TGFBI: variants seen among roughly 807,000 people sequenced by gnomAD.
The protein encoded by TGFBI is transforming growth factor beta induced, also known as transforming growth factor-beta-induced protein ig-h3.
Under a neutral mutation model 73.7 loss-of-function variants are expected in TGFBI, and 50 were observed. The observed-to-expected ratio is 0.68, with a 90% confidence interval of 0.54 to 0.86. TGFBI has a LOEUF of 0.86. TGFBI is among the 40% of genes least tolerant of loss of function. The pLI, the probability that TGFBI is intolerant of heterozygous loss-of-function variation, is 0.00. For synonymous variants in TGFBI, 362 were observed against 360.5 expected (o/e 1.00, Z -0.05); for missense variants, 839 against 877.0 (o/e 0.96, Z 0.55).
At position 136,061,525 on chromosome 5, in the gene TGFBI, T is replaced by C. The variant is rs770847660; in HGVS notation, c.1932T>C (p.Asp644=). 5 of 1,610,660 alleles carry C rather than the reference T, an allele frequency of 3.1e-6. No homozygotes were observed. The highest frequency in any genetic ancestry group is 4.5e-5 in the East Asian group (2 of 44,790). ...PPANRPQERG[D]ELADSALEIF... ...CCAACAGACCTCAGGAAAGAGGGGA[T>C]GAACTTGCAGACTCTGCGCTTGAGA... Residue 644 remains aspartate, a synonymous_variant, in exon 15 of 17, where the codon GAT becomes GAC. Transcript: ENST00000442011.
intron 2 of TGFBI, among the ~76,000 whole-genome samples, chr5:136,037,667 C>T (rs978642841): frequency 1.2e-4 from 18 of 152,174 alleles, no homozygotes; most frequent in African/African-American, 3.9e-4. Flanking sequence ...TTCACAAGTG[C>T]GAAGCCCTTC....
rs1348870288 is a variant in TGFBI at position 136,061,486 on chromosome 5, T to C, written c.1907-14T>C. 1 of 1,589,892 alleles carries C rather than the reference T, an allele frequency of 6.3e-7. No individual in the cohort carries two copies. Among genetic ancestry groups the C allele is most frequent in the African/African-American group, 1.3e-5 (1 of 74,692 alleles). ...TTTCACTCTGGTCAAACCTGCCTTTTCTTTCCTCTTCAGCCAACAGACCTC... is the reference window on the plus strand; with the variant it reads ...TTTCACTCTGGTCAAACCTGCCTTTCCTTTCCTCTTCAGCCAACAGACCTC... On this transcript the variant is annotated splice_polypyrimidine_tract_variant and intron_variant, in intron 14 of 16. Coordinates refer to ENST00000442011, the MANE Select transcript of TGFBI (RefSeq NM_000358.3).
At chr5:136,042,869 T>G (rs1751363627) in intron 2 of TGFBI, among the ~76,000 whole-genome samples, 1 of 152,086 alleles carries the variant, frequency 6.6e-6, no homozygotes, top group African/African-American at 2.4e-5. Flanking sequence ...TCCATTTAAA[T>G]GAACAAGAGC....
intron 14 of TGFBI, chr5:136,061,270 C>T (rs531260929): frequency 3.4e-6 from 2 of 590,494 alleles, no homozygotes; most frequent in South Asian, 4.0e-5. Flanking sequence ...TGTTCCTTGC[C>T]TCCAGTGCAG....
In TGFBI at chr5:136,047,436, G is replaced by A. The variant is rs765458997; in HGVS notation, c.771+16G>A. The A allele has an allele frequency of 9.9e-6, 16 of 1,613,614 alleles. No homozygotes were observed. The highest frequency in any genetic ancestry group is 1.2e-5 in the Non-Finnish European group (14 of 1,179,798). The stretch of plus-strand genomic sequence containing the variant: ...GACCCTTCGGGTAAGGGACTGCCCT[G>A]GGTGGAGGCCCAGGCTTGGGACACA... On this transcript the variant is annotated intron_variant, in intron 6 of 16. Coordinates refer to ENST00000442011, the MANE Select transcript of TGFBI (RefSeq NM_000358.3).
chr5:136,063,266 C>T lies in TGFBI; in HGVS notation c.*40C>T, dbSNP rs376033284. The T allele has an allele frequency of 6.0e-5, 94 of 1,579,588 alleles. No homozygotes were observed. The highest frequency in any genetic ancestry group is 6.9e-5 in the Non-Finnish European group (79 of 1,150,130). The stretch of plus-strand genomic sequence containing the variant: ...GGAGGAATGCACCACGGCAGCTCTC[C>T]GCCAATTTCTCTCAGATTTCCACAG... On this transcript the variant is annotated 3_prime_UTR_variant, in exon 17 of 17. Transcript: ENST00000442011.
At position 136,063,312 on chromosome 5, in the gene TGFBI, A is replaced by G. The variant is rs933702277; in HGVS notation, c.*86A>G. The G allele has an allele frequency of 8.6e-6, 11 of 1,276,072 alleles. No homozygotes were observed. Among genetic ancestry groups the G allele is most frequent in the Non-Finnish European group, 1.2e-5 (11 of 886,132 alleles). 79.0% of individuals were successfully genotyped at this position (1,276,072 alleles called of 1,614,324 possible). ...CACAGAGACTGTTTGAATGTTTTCAAAACCAAGTATCACACTTTAATGTAC... is the reference window on the plus strand; with the variant it reads ...CACAGAGACTGTTTGAATGTTTTCAGAACCAAGTATCACACTTTAATGTAC... On this transcript the variant is annotated 3_prime_UTR_variant, in exon 17 of 17. Transcript: ENST00000442011.
At chr5:136,049,393 G>A (rs748755404) in intron 6 of TGFBI, 46 bp from the exon 7 acceptor site, 3 of 1,602,654 alleles carry the variant, frequency 1.9e-6, no homozygotes, top group Admixed American at 3.4e-5. Context: ...TCTGTGGGGA[G>A]TGCCAGAGTC....
At chr5:136,044,251 C>T (rs1200904080) in intron 3 of TGFBI, 129 bp downstream of exon 3, 10 of 780,556 alleles carry the variant, frequency 1.3e-5, no homozygotes, top group East Asian at 5.3e-5. Flanking sequence ...ATTCTCCCCA[C>T]GTGCCCACTG....
At chr5:136,055,565 G>T in intron 10 of TGFBI, 115 bp from the exon 11 acceptor site, 1 of 958,770 alleles carries the variant, frequency 1.0e-6, no homozygotes, top group East Asian at 2.9e-5. Flanking sequence ...ACCCATCCCA[G>T]TGTATACTCC....
At chr5:136,060,099 G>A (rs184051049) in intron 13 of TGFBI, among the ~76,000 whole-genome samples, 1 of 150,076 alleles carries the variant, frequency 6.7e-6, no homozygotes, top group East Asian at 2.0e-4. Flanking sequence ...AAAATGGAAA[G>A]AGCCTTTTGC....
chr5:136,052,882 T>A, intron 7 of TGFBI, 25 bp from the exon 8 acceptor site: 2 of 1,609,622 alleles, frequency 1.2e-6, no homozygotes, highest in African/African-American at 2.7e-5. Context: ...GACCCTGACT[T>A]GACCTGAGTC....
At chr5:136,062,597 C>CTT in intron 15 of TGFBI, 66 bp from the exon 16 acceptor site, 1 of 1,520,688 alleles carries the variant, frequency 6.6e-7, no homozygotes, top group East Asian at 2.5e-5. Context: ...TGGGCAAAGC[C>CTT]ATTGTCATAA....
chr5:136,049,141 A>G lies in TGFBI; in HGVS notation c.772-298A>G, dbSNP rs45587442. 2,135 of 320,366 alleles carry G rather than the reference A, an allele frequency of 6.7e-3. 125 individuals carry two copies. The Admixed American group carries it at 0.083, about 12-fold the overall frequency. The allele number at this position is 320,366 out of a possible 1,614,324, so 19.8% of individuals were successfully genotyped here. On this transcript the variant is annotated intron_variant, in intron 6 of 16. Transcript: ENST00000442011. ...ATATTTTAGTGGAAGAATGAATAGA[A>G]TCAGAGAAGCAAAGTAAGAGGGAAG...
rs1290893234 is a variant in TGFBI, at chr5:136,046,396, G to C, written c.360G>C (p.Leu120=). The change falls in exon 4 of 17, where the codon CTG becomes CTC. Residue 120 remains leucine, a synonymous_variant. Transcript: ENST00000442011. The stretch of plus-strand genomic sequence containing the variant: ...TCGTTGGATCCACCACCACTCAGCT[G>C]TACACGGACCGCACGGAGAAGCTGA... The part of the protein sequence containing the change: ...LGVVGSTTTQ[L]YTDRTEKLRP... The C allele has an allele frequency of 6.2e-7, 1 of 1,613,956 alleles. No homozygotes were observed. The highest frequency in any genetic ancestry group is 8.5e-7 in the Non-Finnish European group (1 of 1,179,878).
At chr5:136,035,896 AG>A (rs1387556009) in intron 2 of TGFBI, among the ~76,000 whole-genome samples, 4 of 152,106 alleles carry the variant, frequency 2.6e-5, no homozygotes, top group Non-Finnish European at 5.9e-5. Flanking sequence ...AGCTGGCTAC[AG>A]GGTAGCATCT....
chr5:136,054,778 C>T lies in TGFBI; in HGVS notation c.1327C>T (p.Gln443Ter). ...GCTTCGGAACCACATAATTAAAGAC[C>T]AGCTGGCCTCTAAGTATCTGTACCA... ...NLLRNHIIKD[Q>*]LASKYLYHGQ... Residue 443 changes from glutamine to a stop codon, truncating the protein, a stop_gained, in exon 10 of 17, where the codon CAG becomes TAG. Transcript: ENST00000442011. LOFTEE classifies it high-confidence loss of function. The T allele has an allele frequency of 6.2e-7, 1 of 1,613,906 alleles. No individual in the cohort carries two copies. Among genetic ancestry groups the T allele is most frequent in the South Asian group, 1.1e-5 (1 of 91,074 alleles).
In TGFBI at chr5:136,049,934, G is replaced by C. The variant is rs184293111; in HGVS notation, c.913+354G>C. 1.8e-3 allele frequency: 336 copies of C among 190,062 alleles called. 2 individuals are homozygous for C. Among genetic ancestry groups the C allele is most frequent in the Non-Finnish European group, 1.8e-3 (168 of 91,990 alleles). 11.8% of individuals were successfully genotyped at this position (190,062 alleles called of 1,614,324 possible). ...AGGTAGAGCAACAGCTTACAGGTGT[G>C]GGGGTGGCAGATACTGGCACCCTTG... On this transcript the variant is annotated intron_variant, in intron 7 of 16. Transcript: ENST00000442011.
At chr5:136,044,249 C>G (rs1029872679) in intron 3 of TGFBI, 127 bp downstream of exon 3, 78 of 786,118 alleles carry the variant, frequency 9.9e-5, no homozygotes, top group Non-Finnish European at 1.5e-4. Flanking sequence ...GCATTCTCCC[C>G]ACGTGCCCAC....
Sources: gnomAD v4.1 joint callset for allele counts (sites outside exome capture counted in the v4.1 genomes callset) on GRCh38, gnomAD v4.1.1 for gene constraint, MANE v1.5 for transcripts, NCBI Gene and HGNC (gene_info 2026-07-23, HGNC 2026-07-21) for gene names.